Variants in SDK1 observed in about 807,000 individuals in gnomAD.
SDK1 encodes the protein sidekick cell adhesion molecule 1.
Under a neutral mutation model 245.5 loss-of-function variants are expected in SDK1, and 157 were observed. That is an observed-to-expected ratio of 0.64 (90% CI 0.56 to 0.73). The LOEUF (loss-of-function observed/expected upper bound fraction) is 0.73. SDK1 is among the 30% of genes least tolerant of loss of function. The pLI is 0.00. For missense variants in SDK1, 3,583 were observed against 3,002.3 expected (o/e 1.19, Z -4.52); for synonymous variants, 1,647 against 1,278.5 (o/e 1.29, Z -6.15).
At chr7:3,425,205 G>T (rs1255311013) in intron 1 of SDK1, among the ~76,000 whole-genome samples, 1 of 151,286 alleles carries the variant, frequency 6.6e-6, no homozygotes, top group Non-Finnish European at 1.5e-5. Flanking sequence ...AGCTGCTGTT[G>T]AAGTGAAGTG....
chr7:4,166,807 T>C (rs1164236262), intron 32 of SDK1, among the ~76,000 whole-genome samples: 1 of 152,194 alleles, frequency 6.6e-6, no homozygotes, highest in Non-Finnish European at 1.5e-5. Flanking sequence ...GCTCCCTGTC[T>C]CTAGAACTAG....
At chr7:3,328,998 C>A (rs1780002282) in intron 1 of SDK1, among the ~76,000 whole-genome samples, 1 of 152,120 alleles carries the variant, frequency 6.6e-6, no homozygotes, top group South Asian at 2.1e-4. Context: ...ATTACCCAAA[C>A]CAAAGGTCTC....
chr7:3,564,722 A>T (rs1371643178), intron 1 of SDK1, among the ~76,000 whole-genome samples: 1 of 152,146 alleles, frequency 6.6e-6, no homozygotes, highest in African/African-American at 2.4e-5. Flanking sequence ...AAGTAGTCAA[A>T]AGCTTTCCTC....
In SDK1 at chr7:3,689,861, C is replaced by CA. The variant is rs374137095; in HGVS notation, c.713+47762dup. 1.8e-4 allele frequency among the ~76,000 whole-genome samples: 28 copies of CA among 152,232 alleles called. No homozygotes were observed. The East Asian group carries it at 5.4e-3, about 29-fold the overall frequency. On this transcript the variant is annotated intron_variant, in intron 4 of 44. Transcript: ENST00000404826. Reference sequence around the variant, plus strand: ...CCCATATCTGCCAAATTACCTTTTGCAAAAAACCATGTTTTATTTAGAAAT... The same window carrying CA: ...CCCATATCTGCCAAATTACCTTTTGCAAAAAAACCATGTTTTATTTAGAAAT...
At chr7:3,825,689 G>A (rs1484958998) in intron 5 of SDK1, among the ~76,000 whole-genome samples, 1 of 152,110 alleles carries the variant, frequency 6.6e-6, no homozygotes, top group African/African-American at 2.4e-5. Flanking sequence ...ACTCACGTAG[G>A]GTTAGTAGTT....
At chr7:3,548,563 G>T (rs117141521) in intron 1 of SDK1, among the ~76,000 whole-genome samples, 7 of 152,276 alleles carry the variant, frequency 4.6e-5, no homozygotes, top group African/African-American at 1.4e-4. Context: ...TTGGTAAGTG[G>T]ATACATGATT....
intron 4 of SDK1, chr7:3,643,265 C>G (rs910385199): frequency 6.6e-6 from 1 of 150,904 alleles, no homozygotes; most frequent in Non-Finnish European, 1.5e-5. Context: ...TCTCATCTAC[C>G]TGAACATCTG....
At chr7:3,602,839 G>T in intron 1 of SDK1, among the ~76,000 whole-genome samples, 1 of 152,074 alleles carries the variant, frequency 6.6e-6, no homozygotes, top group Non-Finnish European at 1.5e-5. Flanking sequence ...AATCCATCTT[G>T]AATTAATTTT....
At chr7:3,925,567 G>C (rs529569276) in intron 5 of SDK1, among the ~76,000 whole-genome samples, 2 of 152,328 alleles carry the variant, frequency 1.3e-5, no homozygotes, top group Admixed American at 6.5e-5. Context: ...TCCAGAGACG[G>C]CGTGTTCTCG....
intron 4 of SDK1, among the ~76,000 whole-genome samples, chr7:3,755,403 G>A (rs1487140594): frequency 6.6e-6 from 1 of 152,150 alleles, no homozygotes; most frequent in Non-Finnish European, 1.5e-5. Context: ...GGTGGGAGTT[G>A]ACATACACGG....
At chr7:3,591,173 G>A (rs879149419) in intron 1 of SDK1, among the ~76,000 whole-genome samples, 1 of 152,190 alleles carries the variant, frequency 6.6e-6, no homozygotes. Flanking sequence ...CAACCTGTAG[G>A]CAGTTCAAGG....
intron 14 of SDK1, among the ~76,000 whole-genome samples, chr7:4,005,951 G>A (rs866190928): frequency 1.6e-4 from 23 of 141,164 alleles, no homozygotes; most frequent in African/African-American, 5.1e-4. Context: ...GGAGGTAGGG[G>A]TGGAAAAGAA....
chr7:3,642,617 T>C (rs1015274944), intron 4 of SDK1, among the ~76,000 whole-genome samples: 5 of 152,246 alleles, frequency 3.3e-5, no homozygotes, highest in African/African-American at 1.2e-4. Context: ...TAATTAGTGG[T>C]TCACCCATCT....
chr7:3,893,015 T>A (rs1781500013), intron 5 of SDK1, among the ~76,000 whole-genome samples: 1 of 152,124 alleles, frequency 6.6e-6, no homozygotes, highest in South Asian at 2.1e-4. Context: ...AGTTTAGGAA[T>A]CAGGCCAATT....
intron 1 of SDK1, among the ~76,000 whole-genome samples, chr7:3,611,094 G>T (rs1002665800): frequency 2.0e-5 from 3 of 152,198 alleles, no homozygotes; most frequent in Admixed American, 1.3e-4. Flanking sequence ...TTACAAGGCA[G>T]TAGTAGAGAG....
intron 4 of SDK1, among the ~76,000 whole-genome samples, chr7:3,761,251 C>A (rs1449509260): frequency 3.5e-5 from 5 of 142,510 alleles, no homozygotes; most frequent in African/African-American, 1.1e-4. Context: ...TTTTATCAAG[C>A]CCCCCCTCCT....
chr7:3,885,298 C>T (rs1233321787), intron 5 of SDK1, among the ~76,000 whole-genome samples: 1 of 152,156 alleles, frequency 6.6e-6, no homozygotes, highest in Non-Finnish European at 1.5e-5. Context: ...CTGACTGACG[C>T]CCGGTGGCAA....
intron 17 of SDK1, among the ~76,000 whole-genome samples, chr7:4,046,243 C>A (rs1347671084): frequency 6.6e-6 from 1 of 152,144 alleles, no homozygotes; most frequent in Non-Finnish European, 1.5e-5. Flanking sequence ...GCCACAGCAC[C>A]CGGCCTGGAT....
At chr7:4,016,233 G>C (rs1786391597) in intron 16 of SDK1, among the ~76,000 whole-genome samples, 1 of 152,364 alleles carries the variant, frequency 6.6e-6, no homozygotes, top group South Asian at 2.1e-4. Flanking sequence ...TGAAAAGCCA[G>C]CGGATTTGCT....
Sources: gnomAD v4.1 joint callset for allele counts (sites outside exome capture counted in the v4.1 genomes callset) on GRCh38, gnomAD v4.1.1 for gene constraint, MANE v1.5 for transcripts, NCBI Gene and HGNC (gene_info 2026-07-23, HGNC 2026-07-21) for gene names.